ZDHHC14: variants seen among roughly 807,000 people sequenced by gnomAD.
ZDHHC14 encodes the protein zDHHC palmitoyltransferase 14.
In ZDHHC14, 16 loss-of-function variants were observed where a neutral mutation model predicts 47.7. The ratio of observed to expected loss-of-function variants is 0.34; its 90% confidence interval spans 0.23 to 0.51. The LOEUF is 0.51. ZDHHC14 is among the 20% of genes least tolerant of loss of function. The probability of loss-of-function intolerance (pLI) is 0.97; values close to 1 mark genes in which losing one functional copy is unlikely to be tolerated. For missense variants in ZDHHC14, 515 were observed against 662.5 expected, an observed-to-expected ratio of 0.78 and a Z score of 2.44; for synonymous variants, 293 against 278.9, an observed-to-expected ratio of 1.05 and a Z score of -0.50.
intron 1 of ZDHHC14, among the ~76,000 whole-genome samples, chr6:157,389,119 T>G (rs112247959): frequency 1.1e-3 from 174 of 152,218 alleles, no homozygotes; most frequent in African/African-American, 4.0e-3. Flanking sequence ...GCATAGTACT[T>G]AAAGCAGTCT....
At chr6:157,554,413 A>C (rs1334947450) in intron 2 of ZDHHC14, among the ~76,000 whole-genome samples, 1 of 152,260 alleles carries the variant, frequency 6.6e-6, no homozygotes, top group Non-Finnish European at 1.5e-5. Flanking sequence ...CATATTTTTA[A>C]AAGTAAATTA....
intron 1 of ZDHHC14, among the ~76,000 whole-genome samples, chr6:157,442,245 T>C (rs965663635): frequency 1.3e-5 from 2 of 152,072 alleles, no homozygotes; most frequent in African/African-American, 4.8e-5. Flanking sequence ...TATCTGGATA[T>C]GGTGGTGCAC....
At chr6:157,634,763 G>C (rs893997939) in intron 5 of ZDHHC14, among the ~76,000 whole-genome samples, 3 of 152,240 alleles carry the variant, frequency 2.0e-5, no homozygotes, top group Admixed American at 6.5e-5. Flanking sequence ...GCGTGTGCAG[G>C]AGGCCTGGTG....
intron 2 of ZDHHC14, among the ~76,000 whole-genome samples, chr6:157,556,515 G>C (rs1040046373): frequency 7.9e-5 from 12 of 152,262 alleles, no homozygotes; most frequent in Non-Finnish European, 1.8e-4. Flanking sequence ...TGTGCTGTTT[G>C]GTAGGGGTTA....
intron 1 of ZDHHC14, among the ~76,000 whole-genome samples, chr6:157,465,081 G>A (rs1779175703): frequency 7.1e-6 from 1 of 141,556 alleles, no homozygotes; most frequent in African/African-American, 2.6e-5. Flanking sequence ...ATTCTAAAAA[G>A]CAGCGTGTTT....
At chr6:157,494,067 G>A (rs1292200641) in intron 1 of ZDHHC14, among the ~76,000 whole-genome samples, 1 of 152,210 alleles carries the variant, frequency 6.6e-6, no homozygotes, top group Non-Finnish European at 1.5e-5. Context: ...GCAGGGCCCT[G>A]GCTTGGCTCT....
At chr6:157,391,423 A>G (rs905176855) in intron 1 of ZDHHC14, among the ~76,000 whole-genome samples, 1 of 152,010 alleles carries the variant, frequency 6.6e-6, no homozygotes, top group African/African-American at 2.4e-5. Context: ...ACCCTTTTAT[A>G]CCATACCCTG....
At chr6:157,538,574 G>C (rs970763810) in intron 1 of ZDHHC14, among the ~76,000 whole-genome samples, 1 of 152,130 alleles carries the variant, frequency 6.6e-6, no homozygotes, top group Non-Finnish European at 1.5e-5. Context: ...GTGCTACAAA[G>C]GACACAAAGA....
chr6:157,579,649 A>G (rs1437163411), intron 2 of ZDHHC14, among the ~76,000 whole-genome samples: 1 of 152,184 alleles, frequency 6.6e-6, no homozygotes, highest in Non-Finnish European at 1.5e-5. Flanking sequence ...TTTTGTGGCA[A>G]CTGTGAATGG....
At chr6:157,486,246 C>T (rs1779775909) in intron 1 of ZDHHC14, among the ~76,000 whole-genome samples, 1 of 152,116 alleles carries the variant, frequency 6.6e-6, no homozygotes, top group African/African-American at 2.4e-5. Context: ...TATATCCAAT[C>T]GCGTCACTAC....
chr6:157,673,175 A>G lies in ZDHHC14; in HGVS notation c.*53A>G, dbSNP rs1778889207. On this transcript the variant is annotated 3_prime_UTR_variant, in exon 9 of 9. Coordinates refer to ENST00000359775, the MANE Select transcript of ZDHHC14 (RefSeq NM_024630.3). The surrounding 1 kb of genome is among the most constrained non-coding windows in gnomAD (Gnocchi z 5.4). ...CAGAGGCTCCTCCATGGGCAGCAGG[A>G]GTGAGCGGAGGGGTGTGTCCCACAG... The G allele has an allele frequency of 2.7e-6, 4 of 1,505,450 alleles. No homozygotes were observed. In the Admixed American group the frequency reaches 9.5e-5, roughly 36 times the overall value. The allele number at this position is 1,505,450 out of a possible 1,614,324, so 93.3% of individuals were successfully genotyped here. A position where few individuals can be genotyped will look rare whatever the true frequency, so the allele number is the denominator to read the frequency against.
Position 157,632,978 on chromosome 6 carries a change from T to C in ZDHHC14, c.752+96T>C, listed in dbSNP as rs2114960325. On this transcript the variant is annotated intron_variant, in intron 5 of 8. Coordinates refer to ENST00000359775, the MANE Select transcript of ZDHHC14 (RefSeq NM_024630.3). ...ACCTCCTCATCTTCTGCCCCGGCCT[T>C]GCTTCTCATGTATCTTATTCCAAAG... is the stretch of plus-strand genomic sequence containing the variant. 2.3e-6 allele frequency: 3 copies of C among 1,297,750 alleles called. No individual in the cohort carries two copies. The East Asian group carries it at 6.9e-5, about 30-fold the overall frequency. 80.4% of individuals were successfully genotyped at this position (1,297,750 alleles called of 1,614,324 possible).
rs371263157 is a variant in ZDHHC14 at position 157,584,055 on chromosome 6, A to C, written c.407-8933A>C. On this transcript the variant is annotated intron_variant, in intron 2 of 8. Transcript: ENST00000359775. ...TGCAGCTTGCTGGCAGTATGGTTGAAGCACTCAGGGTCTTTGTTCCTTTCC... is the reference window on the plus strand; with the variant it reads ...TGCAGCTTGCTGGCAGTATGGTTGACGCACTCAGGGTCTTTGTTCCTTTCC... 3.3e-5 allele frequency among the ~76,000 whole-genome samples: 5 copies of C among 152,288 alleles called. No individual in the cohort carries two copies. In the South Asian group the frequency reaches 8.3e-4, roughly 25 times the overall value.
intron 1 of ZDHHC14, among the ~76,000 whole-genome samples, chr6:157,465,105 CTTTTTTTTTTTTT>C (rs772080368): frequency 2.0e-5 from 2 of 102,010 alleles, no homozygotes; most frequent in South Asian, 3.6e-4. Flanking sequence ...TCTCTTTCTC[CTTTTTTTTTTTTT>C]TTTTTTTTTT....
At chr6:157,467,131 G>T (rs1041250814) in intron 1 of ZDHHC14, among the ~76,000 whole-genome samples, 3 of 152,212 alleles carry the variant, frequency 2.0e-5, no homozygotes, top group Middle Eastern at 6.8e-3. Context: ...TAAAATTCTC[G>T]CATTGCAAGA....
At chr6:157,478,304 T>A (rs1176599493) in intron 1 of ZDHHC14, among the ~76,000 whole-genome samples, 1 of 152,240 alleles carries the variant, frequency 6.6e-6, no homozygotes, top group Admixed American at 6.5e-5. Flanking sequence ...AGCATAGTAC[T>A]AAAATGAGCA....
At chr6:157,621,404 T>C (rs1388006504) in intron 3 of ZDHHC14, among the ~76,000 whole-genome samples, 1 of 152,210 alleles carries the variant, frequency 6.6e-6, no homozygotes, top group East Asian at 1.9e-4. Flanking sequence ...ACATGCGACT[T>C]AATTTAAATG....
intron 8 of ZDHHC14, among the ~76,000 whole-genome samples, chr6:157,670,263 G>A (rs115447527): frequency 0.03 from 4,570 of 152,238 alleles, 245 homozygotes; most frequent in African/African-American, 0.1. Flanking sequence ...GATTGTTAAC[G>A]CTTCACAGTC....
chr6:157,540,904 G>GTATATATATATATA (rs1423918688), intron 1 of ZDHHC14, among the ~76,000 whole-genome samples: 1 of 126,214 alleles, frequency 7.9e-6, no homozygotes, highest in Non-Finnish European at 1.5e-5. Flanking sequence ...GTGTGTGTGT[G>GTATATATATATATA]TGTGTGTATA....
Sources: gnomAD v4.1 joint callset for allele counts (sites outside exome capture counted in the v4.1 genomes callset) on GRCh38, gnomAD v4.1.1 for gene constraint, Gnocchi (gnomAD v3.1) non-coding constraint, MANE v1.5 for transcripts, NCBI Gene and HGNC (gene_info 2026-07-23, HGNC 2026-07-21) for gene names.